Variants in ZC3H11A observed in about 807,000 individuals in gnomAD.
ZC3H11A encodes zinc finger CCCH-type containing 11A, also known as zinc finger CCCH domain-containing protein 11A.
In ZC3H11A, 22 loss-of-function variants were observed where a neutral mutation model predicts 90.8. That is an observed-to-expected ratio of 0.24 (90% CI 0.17 to 0.35). The LOEUF (loss-of-function observed/expected upper bound fraction) is 0.35. Among genes scored for constraint, ZC3H11A ranks in the 10% least tolerant of loss-of-function variants. The probability of loss-of-function intolerance (pLI) is 1.00; values close to 1 mark genes in which losing one functional copy is unlikely to be tolerated. For synonymous variants in ZC3H11A, 294 were observed against 339.8 expected, an observed-to-expected ratio of 0.87 and a Z score of 1.48; for missense variants, 701 against 964.9, an observed-to-expected ratio of 0.73 and a Z score of 3.62.
intron 1 of ZC3H11A, chr1:203,798,582 G>A (rs1240675753): frequency 3.9e-6 from 6 of 1,536,092 alleles, no homozygotes; most frequent in Non-Finnish European, 5.2e-6. Flanking sequence ...AAAGTCTACA[G>A]GCAGCCAAGA....
chr1:203,822,036 T>C (rs184635194), intron 4 of ZC3H11A, among the ~76,000 whole-genome samples: 137 of 152,166 alleles, frequency 9.0e-4, no homozygotes, highest in Admixed American at 3.9e-3. Flanking sequence ...GGATTACAGG[T>C]GTGAGCCACC....
chr1:203,836,292 T>C (rs1012767991), intron 10 of ZC3H11A, among the ~76,000 whole-genome samples: 1 of 152,240 alleles, frequency 6.6e-6, no homozygotes, highest in Non-Finnish European at 1.5e-5. Context: ...AACTTTGTGA[T>C]GGTTTTATAT....
chr1:203,825,393 G>A (rs1680175063), intron 4 of ZC3H11A, among the ~76,000 whole-genome samples: 1 of 148,502 alleles, frequency 6.7e-6, no homozygotes, highest in Non-Finnish European at 1.5e-5. Context: ...AAAATGTGAA[G>A]ACATAATTAT....
Position 203,798,642 on chromosome 1 carries a change from G to A in ZC3H11A, c.-1588+2848G>A, listed in dbSNP as rs910089894. The A allele has an allele frequency of 3.9e-6, 6 of 1,536,032 alleles. No individual in the cohort carries two copies. The South Asian group carries it at 5.9e-5, about 15-fold the overall frequency. ...CTCTGATTCAGATGAACCTATGTTA[G>A]AGGTTGAAAACAGATCTGAAAGTCC... On this transcript the variant is annotated intron_variant, in intron 1 of 17. Transcript: ENST00000367210.
intron 9 of ZC3H11A, among the ~76,000 whole-genome samples, chr1:203,833,256 T>G (rs1683001063): frequency 6.6e-6 from 1 of 151,392 alleles, no homozygotes. Flanking sequence ...TAATCCCAGC[T>G]ACTCAGGCTG....
At chr1:203,799,045 C>G (rs534745068) in intron 1 of ZC3H11A, 5 of 1,535,962 alleles carry the variant, frequency 3.3e-6, no homozygotes, top group Admixed American at 2.0e-5. Context: ...TTGGAAACTG[C>G]GTCTTTTCTC....
chr1:203,796,296 C>A, intron 1 of ZC3H11A: 1 of 397,546 alleles, frequency 2.5e-6, no homozygotes, highest in South Asian at 1.4e-4. Flanking sequence ...TCTCCAGGGT[C>A]CCGGTACTTT....
intron 10 of ZC3H11A, among the ~76,000 whole-genome samples, chr1:203,835,158 C>T (rs1307412270): frequency 1.3e-5 from 2 of 152,180 alleles, no homozygotes; most frequent in African/African-American, 2.4e-5. Flanking sequence ...ATGCACTTTA[C>T]GCTCTAAGTA....
At chr1:203,841,831 T>C (rs1467685111) in intron 12 of ZC3H11A, among the ~76,000 whole-genome samples, 7 of 143,816 alleles carry the variant, frequency 4.9e-5, no homozygotes, top group Non-Finnish European at 9.4e-5. Context: ...GAGGGGCTCC[T>C]CACTTCGCAG....
rs201804286 is a variant in ZC3H11A, at chr1:203,847,639, G to A, written c.1498G>A (p.Glu500Lys). 8.3e-5 allele frequency: 134 copies of A among 1,613,230 alleles called. No individual in the cohort carries two copies. Among genetic ancestry groups the A allele is most frequent in the Admixed American group, 2.2e-4 (13 of 59,992 alleles). ...ESSTSSPSQH[E>K]ATPGARRLLR... ...CAGCACCAGCTCCCCGTCTCAACAC[G>A]AGGCCACTCCAGGGGCAAGGCGGCT... Residue 500 changes from glutamate to lysine, a missense_variant, in exon 13 of 18, where the codon GAG (glutamate) becomes AAG (lysine). Physicochemically the swap from Glu to Lys is moderately conservative, Grantham distance 56 (BLOSUM62 1). Around this residue, in one of 4 missense-constraint regions of ZC3H11A, gnomAD observed 530 missense variants for 696.2 expected, o/e 0.76. Transcript: ENST00000367210.
chr1:203,802,403 A>G lies in ZC3H11A; in HGVS notation c.-759A>G, dbSNP rs1670794792. 6.6e-6 allele frequency: 1 copy of G among 152,490 alleles called. No individual in the cohort carries two copies. 9.4% of individuals were successfully genotyped at this position (152,490 alleles called of 1,614,324 possible). The stretch of plus-strand genomic sequence containing the variant: ...ATTTTAAAAGGGGAAACTTATCCAA[A>G]TGTTATATTTCTATACATTTTTGTG... On this transcript the variant is annotated 5_prime_UTR_variant, in exon 2 of 18. It removes an upstream start codon present in the reference 5' UTR. Transcript: ENST00000367210.
At chr1:203,798,395 T>C in intron 1 of ZC3H11A, 1 of 1,534,744 alleles carries the variant, frequency 6.5e-7, no homozygotes, top group Non-Finnish European at 8.7e-7. Flanking sequence ...GTAAAAGAAG[T>C]GTGAGCCGGG....
intron 12 of ZC3H11A, among the ~76,000 whole-genome samples, chr1:203,841,046 C>CAAT (rs71281153): frequency 0.13 from 19,648 of 151,774 alleles, 1,421 homozygotes; most frequent in Non-Finnish European, 0.15. Flanking sequence ...TGCTGAACAA[C>CAAT]GATATGGAAA....
chr1:203,808,119 T>A (rs1673010152), intron 2 of ZC3H11A, among the ~76,000 whole-genome samples: 1 of 152,170 alleles, frequency 6.6e-6, no homozygotes, highest in Admixed American at 6.5e-5. Context: ...TTCTTGAGTA[T>A]TTTTCAAAAG....
intron 9 of ZC3H11A, among the ~76,000 whole-genome samples, chr1:203,833,365 A>C (rs1418348699): frequency 5.6e-5 from 2 of 35,708 alleles, no homozygotes; most frequent in Admixed American, 2.6e-4. Context: ...ACTCTGTCTC[A>C]AAAAAAAAAA....
At chr1:203,849,486 G>T (rs1331299832) in intron 14 of ZC3H11A, among the ~76,000 whole-genome samples, 2 of 152,146 alleles carry the variant, frequency 1.3e-5, no homozygotes, top group African/African-American at 4.8e-5. Flanking sequence ...TAGAGTCATG[G>T]TTGTCTAGCC....
At chr1:203,812,783 T>C (rs1324294528) in intron 2 of ZC3H11A, among the ~76,000 whole-genome samples, 4 of 152,052 alleles carry the variant, frequency 2.6e-5, no homozygotes, top group Admixed American at 1.3e-4. Flanking sequence ...GGTCTCACCA[T>C]GTTTGCCAAG....
rs752066451 is a variant in ZC3H11A, at chr1:203,850,599, T to C, written c.2024T>C (p.Met675Thr). 4.3e-6 allele frequency: 7 copies of C among 1,614,100 alleles called. No homozygotes were observed. Among genetic ancestry groups the C allele is most frequent in the Non-Finnish European group, 5.1e-6 (6 of 1,179,974 alleles). ...KLAPKRKAVE[M>T]HAAVIAAVKP... ...GCCCCAAAACGTAAGGCAGTGGAGA[T>C]GCACGCTGCTGTCATTGCCGCTGTG... Residue 675 changes from methionine to threonine, a missense_variant, in exon 16 of 18, where the codon ATG (methionine) becomes ACG (threonine). Physicochemically the swap from Met to Thr is moderately conservative, Grantham distance 81. Coordinates refer to ENST00000367210, the MANE Select transcript of ZC3H11A (RefSeq NM_001376342.1).
chr1:203,846,346 TTAATG>T (rs1383997770), intron 12 of ZC3H11A, among the ~76,000 whole-genome samples: 1 of 152,192 alleles, frequency 6.6e-6, no homozygotes, highest in Admixed American at 6.6e-5. Context: ...TATAGAACGA[TTAATG>T]TATCATTGAA....
Sources: gnomAD v4.1 joint callset for allele counts (sites outside exome capture counted in the v4.1 genomes callset) on GRCh38, gnomAD v4.1.1 for gene constraint, gnomAD v4.1.1 regional missense constraint, MANE v1.5 for transcripts, NCBI Gene and HGNC (gene_info 2026-07-23, HGNC 2026-07-21) for gene names.